The following KCNJ16 variants were observed in gnomAD, a reference collection of about 807,000 sequenced individuals.
KCNJ16 encodes potassium inwardly rectifying channel subfamily J member 16.
A neutral mutation model predicts 18.5 loss-of-function variants in KCNJ16; 15 were observed. The ratio of observed to expected loss-of-function variants is 0.81; its 90% CI spans 0.54 to 1.25. KCNJ16 has a LOEUF of 1.25. Ranked by LOEUF, KCNJ16 falls within the 50% of genes most tolerant of loss-of-function variation. The pLI is 0.00. For synonymous variants in KCNJ16, 174 were observed against 186.5 expected (o/e 0.93, Z 0.55); for missense variants, 523 against 525.7 (o/e 0.99, Z 0.05).
chr17:70,121,060 CAA>C (rs1405657184), intron 2 of KCNJ16, among the ~76,000 whole-genome samples: 1 of 152,108 alleles, frequency 6.6e-6, no homozygotes, highest in Non-Finnish European at 1.5e-5. Context: ...CAGTCTGTGA[CAA>C]AGTTTGTCTG....
In KCNJ16 at chr17:70,133,947, T is replaced by G. The variant is rs2074151063; in HGVS notation, c.*603T>G. 6.0e-6 allele frequency: 1 copy of G among 167,374 alleles called. No homozygotes were observed. The highest frequency in any genetic ancestry group is 1.5e-5 in the Non-Finnish European group (1 of 68,338). 10.4% of individuals were successfully genotyped at this position (167,374 alleles called of 1,614,324 possible). A position where few individuals can be genotyped will look rare whatever the true frequency, so the allele number is the denominator to read the frequency against. On this transcript the variant is annotated 3_prime_UTR_variant, in exon 4 of 4. Coordinates refer to ENST00000392671, the MANE Select transcript of KCNJ16 (RefSeq NM_170741.4). ...CCATGCCACCAATTCCACTGCTACT[T>G]GCCCAGGTAGTGATCAGTGAGAGTT...
intron 2 of KCNJ16, among the ~76,000 whole-genome samples, chr17:70,103,116 A>G (rs1018462809): frequency 7.0e-6 from 1 of 143,780 alleles, no homozygotes; most frequent in Non-Finnish European, 1.5e-5. Context: ...TTATATATAT[A>G]TATTTAATAT....
At chr17:70,125,708 A>G (rs1322617470) in intron 2 of KCNJ16, among the ~76,000 whole-genome samples, 2 of 152,204 alleles carry the variant, frequency 1.3e-5, no homozygotes, top group Admixed American at 1.3e-4. Flanking sequence ...AGGAGGGTGG[A>G]TCACGAGGTC....
chr17:70,105,479 C>G (rs752354799), intron 2 of KCNJ16, among the ~76,000 whole-genome samples: 2 of 152,190 alleles, frequency 1.3e-5, no homozygotes, highest in African/African-American at 4.8e-5. Flanking sequence ...GTCTTTGTCA[C>G]TCTTCCACTG....
intron 1 of KCNJ16, among the ~76,000 whole-genome samples, chr17:70,097,422 T>C (rs1345473939): frequency 3.3e-5 from 5 of 152,148 alleles, no homozygotes; most frequent in South Asian, 2.1e-4. Context: ...AAAGTGTTTA[T>C]ATTGTTTGGT....
At chr17:70,126,519 T>C (rs2073861725) in intron 2 of KCNJ16, among the ~76,000 whole-genome samples, 1 of 152,154 alleles carries the variant, frequency 6.6e-6, no homozygotes, top group Non-Finnish European at 1.5e-5. Flanking sequence ...CATTCAAACT[T>C]CACAGTACTT....
intron 1 of KCNJ16, among the ~76,000 whole-genome samples, chr17:70,093,987 T>G (rs6501367): frequency 0.85 from 128,730 of 151,642 alleles, 54,711 homozygotes; most frequent in East Asian, 0.96. Flanking sequence ...ATAAGGGGAA[T>G]AATTAATGAT....
intron 1 of KCNJ16, among the ~76,000 whole-genome samples, chr17:70,086,232 ATTT>A (rs1390577204): frequency 6.6e-6 from 1 of 152,190 alleles, no homozygotes; most frequent in Non-Finnish European, 1.5e-5. Flanking sequence ...CTTAACTTTT[ATTT>A]TTTATTACAA....
rs140124646 is a variant in KCNJ16, at chr17:70,127,609, C to T, written c.-190-3270C>T. The stretch of plus-strand genomic sequence containing the variant: ...CCTCTACCGGCCTACTCTTCATCTA[C>T]CCTGGGTCCCATCCTCCCGTCTCCT... On this transcript the variant is annotated intron_variant, in intron 2 of 3. Transcript: ENST00000392671. Among the ~76,000 whole-genome samples the T allele has an allele frequency of 2.7e-3, 411 of 152,000 alleles. 3 individuals are homozygous for T. Among genetic ancestry groups the T allele is most frequent in the African/African-American group, 9.4e-3 (389 of 41,430 alleles).
chr17:70,110,256 C>T (rs1024895715), intron 2 of KCNJ16, among the ~76,000 whole-genome samples: 1 of 152,064 alleles, frequency 6.6e-6, no homozygotes, highest in African/African-American at 2.4e-5. Flanking sequence ...GTACCCCTAT[C>T]CTTCCCATAT....
intron 2 of KCNJ16, among the ~76,000 whole-genome samples, chr17:70,108,536 T>C (rs1240488563): frequency 1.3e-5 from 2 of 152,160 alleles, no homozygotes; most frequent in African/African-American, 4.8e-5. Context: ...TGCTTTAAAG[T>C]GGCCGTGTCC....
At chr17:70,090,704 ACTCACAATACCG>A (rs1471370405) in intron 1 of KCNJ16, among the ~76,000 whole-genome samples, 1 of 151,760 alleles carries the variant, frequency 6.6e-6, no homozygotes, top group East Asian at 1.9e-4. Flanking sequence ...CGGCTAACCC[ACTCACAATACCG>A]CTAACCCACT....
intron 1 of KCNJ16, among the ~76,000 whole-genome samples, chr17:70,099,723 T>C (rs569739981): frequency 5.3e-4 from 81 of 152,142 alleles, no homozygotes; most frequent in African/African-American, 1.7e-3. Context: ...CTATGTGTGT[T>C]TGGGAGTAGA....
intron 1 of KCNJ16, among the ~76,000 whole-genome samples, chr17:70,078,505 G>T (rs1359933040): frequency 6.6e-6 from 1 of 152,090 alleles, no homozygotes; most frequent in Admixed American, 6.6e-5. Flanking sequence ...TTTTAACTGA[G>T]AAACAAATAT....
At chr17:70,130,349 T>G (rs2074012933) in intron 2 of KCNJ16, among the ~76,000 whole-genome samples, 1 of 152,120 alleles carries the variant, frequency 6.6e-6, no homozygotes. Context: ...CATCTTGAAA[T>G]TATACAATTG....
chr17:70,128,795 AAC>A, intron 2 of KCNJ16: 1 of 152,352 alleles, frequency 6.6e-6, no homozygotes, highest in East Asian at 1.9e-4. Context: ...CGCGGTAACA[AAC>A]ACCACAAGGC....
intron 1 of KCNJ16, chr17:70,096,853 T>C (rs1238810791): frequency 1.8e-5 from 7 of 397,784 alleles, no homozygotes; most frequent in Non-Finnish European, 3.1e-5. Context: ...GTCAGGGTTT[T>C]TGGATATAAA....
chr17:70,090,536 G>A (rs189840238), intron 1 of KCNJ16, among the ~76,000 whole-genome samples: 62 of 152,290 alleles, frequency 4.1e-4, no homozygotes, highest in Middle Eastern at 3.4e-3. Flanking sequence ...AAGTTCATAC[G>A]ATAGACATTG....
intron 2 of KCNJ16, among the ~76,000 whole-genome samples, chr17:70,127,045 C>T (rs1200030083): frequency 2.0e-5 from 3 of 152,118 alleles, no homozygotes; most frequent in Non-Finnish European, 4.4e-5. Flanking sequence ...ATATTATAAC[C>T]CCTTTCTATA....
Sources: allele counts gnomAD v4.1 joint callset (sites outside exome capture counted in the v4.1 genomes callset), GRCh38; gene constraint gnomAD v4.1.1; transcripts MANE v1.5; gene names NCBI Gene and HGNC (gene_info 2026-07-23, HGNC 2026-07-21).